Variants in SYT14 observed in about 807,000 individuals in gnomAD.
SYT14 encodes the protein synaptotagmin-14.
A neutral mutation model predicts 74.2 loss-of-function variants in SYT14; 32 were observed. That is an observed-to-expected ratio of 0.43 (90% confidence interval 0.33 to 0.58). The LOEUF (loss-of-function observed/expected upper bound fraction) is 0.58, where lower values mean the gene tolerates loss of function less well. SYT14 is among the 20% of genes least tolerant of loss of function. SYT14 has a pLI of 0.05. For synonymous variants in SYT14, 298 were observed against 337.7 expected (o/e 0.88, Z 1.29); for missense variants, 791 against 981.8 (o/e 0.81, Z 2.60).
chr1:209,949,588 A>G (rs944854016), intron 1 of SYT14, among the ~76,000 whole-genome samples: 6 of 149,474 alleles, frequency 4.0e-5, no homozygotes, highest in Non-Finnish European at 8.8e-5. Context: ...AAAAAAAAAC[A>G]CTCAATTTCA....
chr1:210,114,143 C>T lies in SYT14; in HGVS notation c.2034+13682C>T, dbSNP rs942061121. 4.0e-5 allele frequency among the ~76,000 whole-genome samples: 6 copies of T among 151,408 alleles called. 1 individual carries two copies. The highest frequency in any genetic ancestry group is 1.5e-4 in the African/African-American group (6 of 40,700). ...GCCTTGGGCTAGAGTTCCAGGGACT[C>T]TGGGAGTGGCTGCCAGGCAAGCTGG... is the stretch of plus-strand genomic sequence containing the variant. On this transcript the variant is annotated intron_variant, in intron 7 of 9. Coordinates refer to ENST00000637265, the Ensembl canonical transcript of SYT14.
At position 209,979,162 on chromosome 1, in the gene SYT14, C is replaced by T. The variant is rs6682542; in HGVS notation, c.-486+26406C>T. On this transcript the variant is annotated intron_variant, in intron 2 of 9. Coordinates refer to ENST00000637265, the Ensembl canonical transcript of SYT14. The stretch of plus-strand genomic sequence containing the variant: ...GACCCCTTGCGCTTCCTGGGTGAGG[C>T]GATGCCTCGCCCTGCTTTGGCTCAC... Among the ~76,000 whole-genome samples, 1,337 of 152,320 alleles carry T rather than the reference C, an allele frequency of 8.8e-3. 9 individuals are homozygous for T. Among genetic ancestry groups the T allele is most frequent in the Middle Eastern group, 0.02 (6 of 294 alleles).
intron 5 of SYT14, among the ~76,000 whole-genome samples, chr1:210,063,660 A>G (rs750887274): frequency 6.6e-6 from 1 of 151,688 alleles, no homozygotes; most frequent in South Asian, 2.1e-4. Flanking sequence ...GTTTTTATCC[A>G]TCATTTCTAC....
intron 7 of SYT14, among the ~76,000 whole-genome samples, chr1:210,142,996 G>A (rs2082951283): frequency 6.6e-6 from 1 of 152,158 alleles, no homozygotes; most frequent in Admixed American, 6.5e-5. Context: ...TTACTTCCCA[G>A]GCTTAGGGCT....
At chr1:210,153,970 A>G (rs1188793289) in intron 7 of SYT14, among the ~76,000 whole-genome samples, 1 of 152,022 alleles carries the variant, frequency 6.6e-6, no homozygotes, top group Non-Finnish European at 1.5e-5. Context: ...CCCTTATTAG[A>G]TTTTGGTTTT....
intron 5 of SYT14, among the ~76,000 whole-genome samples, chr1:210,036,999 G>A (rs1280636001): frequency 1.3e-5 from 2 of 151,864 alleles, no homozygotes; most frequent in African/African-American, 4.8e-5. Context: ...GTTTCAGTAG[G>A]ATTGGTATCA....
At chr1:210,077,106 ACAGTTC>A (rs1324726302) in intron 5 of SYT14, among the ~76,000 whole-genome samples, 8 of 151,984 alleles carry the variant, frequency 5.3e-5, no homozygotes, top group African/African-American at 1.9e-4. Context: ...TAATTACCTT[ACAGTTC>A]TGCAGTTCCA....
At chr1:210,093,105 T>TA (rs2081905877) in intron 5 of SYT14, among the ~76,000 whole-genome samples, 1 of 152,178 alleles carries the variant, frequency 6.6e-6, no homozygotes, top group Non-Finnish European at 1.5e-5. Context: ...GTAAGACATT[T>TA]AGTTTTTCTT....
chr1:209,986,110 C>T (rs930108334), intron 2 of SYT14, among the ~76,000 whole-genome samples: 2 of 152,210 alleles, frequency 1.3e-5, no homozygotes, highest in Non-Finnish European at 2.9e-5. Flanking sequence ...AGTGGTTGCT[C>T]CGCAGCCTGC....
At chr1:210,154,278 T>G (rs1231404534) in intron 7 of SYT14, among the ~76,000 whole-genome samples, 1 of 152,064 alleles carries the variant, frequency 6.6e-6, no homozygotes, top group East Asian at 1.9e-4. Flanking sequence ...CCAGTACCAG[T>G]CCATGGCCTG....
At chr1:210,042,557 C>T (rs1156829891) in intron 5 of SYT14, among the ~76,000 whole-genome samples, 1 of 152,164 alleles carries the variant, frequency 6.6e-6, no homozygotes, top group Non-Finnish European at 1.5e-5. Flanking sequence ...GGAAGGGATA[C>T]AGTTTCAGTT....
intron 2 of SYT14, among the ~76,000 whole-genome samples, chr1:210,012,565 A>G (rs2080105581): frequency 6.6e-6 from 1 of 152,184 alleles, no homozygotes; most frequent in Non-Finnish European, 1.5e-5. Flanking sequence ...GGAGCTTTAA[A>G]TGCCACATTA....
chr1:210,098,633 G>A (rs949318684), intron 6 of SYT14, among the ~76,000 whole-genome samples: 1 of 151,564 alleles, frequency 6.6e-6, no homozygotes, highest in African/African-American at 2.4e-5. Flanking sequence ...GCTGAGTCAT[G>A]TAGTCGTATG....
intron 2 of SYT14, among the ~76,000 whole-genome samples, chr1:209,964,299 G>A (rs1384682883): frequency 6.6e-6 from 1 of 152,180 alleles, no homozygotes; most frequent in East Asian, 1.9e-4. Flanking sequence ...TCCCAGCCGT[G>A]TAGAACTGTG....
At chr1:210,027,228 C>G (rs12092551) in intron 5 of SYT14, among the ~76,000 whole-genome samples, 1 of 151,770 alleles carries the variant, frequency 6.6e-6, no homozygotes, top group Admixed American at 6.6e-5. Flanking sequence ...GGCGCAGTGG[C>G]TCATGCCTAT....
intron 2 of SYT14, among the ~76,000 whole-genome samples, chr1:209,980,723 G>A (rs2079468961): frequency 6.6e-6 from 1 of 152,142 alleles, no homozygotes; most frequent in Non-Finnish European, 1.5e-5. Flanking sequence ...CCCATTGCTT[G>A]TTTTTATCAG....
At chr1:210,129,080 A>G (rs918717111) in intron 7 of SYT14, among the ~76,000 whole-genome samples, 2 of 152,186 alleles carry the variant, frequency 1.3e-5, no homozygotes, top group African/African-American at 4.8e-5. Flanking sequence ...AATATTAAGA[A>G]AAGTTTCCTT....
At chr1:210,155,226 T>C (rs1376300680) in intron 7 of SYT14, among the ~76,000 whole-genome samples, 1 of 152,224 alleles carries the variant, frequency 6.6e-6, no homozygotes, top group Non-Finnish European at 1.5e-5. Flanking sequence ...TACATCAATT[T>C]GTTTGATTAT....
chr1:210,165,284 A>G (rs574927445), exon 10 of SYT14: 1 of 152,278 alleles, frequency 6.6e-6, no homozygotes, highest in African/African-American at 2.4e-5. Context: ...ACCTTGATTG[A>G]ATGGCAGAAC....
Sources: gnomAD v4.1 joint callset for allele counts (sites outside exome capture counted in the v4.1 genomes callset) on GRCh38, gnomAD v4.1.1 for gene constraint, MANE v1.5 for transcripts, NCBI Gene and HGNC (gene_info 2026-07-23, HGNC 2026-07-21) for gene names.